GPR158: variants seen among roughly 807,000 people sequenced by gnomAD.
GPR158 encodes G protein-coupled receptor 158, also known as metabotropic glycine receptor.
In GPR158, 30 loss-of-function variants were observed where a neutral mutation model predicts 78.2. The observed-to-expected ratio is 0.38, with a 90% CI of 0.29 to 0.52. The LOEUF (loss-of-function observed/expected upper bound fraction) is 0.52. Among genes scored for constraint, GPR158 ranks in the 20% least tolerant of loss-of-function variants. GPR158 has a pLI of 0.83. For synonymous variants in GPR158, 581 were observed against 591.1 expected, an observed-to-expected ratio of 0.98 and a Z score of 0.25; for missense variants, 1,463 against 1,523.5, an observed-to-expected ratio of 0.96 and a Z score of 0.66.
chr10:25,514,896 T>C (rs965162158), intron 5 of GPR158, among the ~76,000 whole-genome samples: 4 of 152,200 alleles, frequency 2.6e-5, no homozygotes, highest in Non-Finnish European at 4.4e-5. Flanking sequence ...GTTAACTTGA[T>C]AGATTTTCCT....
intron 5 of GPR158, among the ~76,000 whole-genome samples, chr10:25,476,264 A>AT (rs1365541246): frequency 3.9e-5 from 6 of 152,174 alleles, no homozygotes; most frequent in Admixed American, 2.6e-4. Flanking sequence ...ACTAAAGTGT[A>AT]TTTTTTTGCT....
chr10:25,196,601 A>G (rs1174295616), intron 1 of GPR158, among the ~76,000 whole-genome samples: 1 of 152,192 alleles, frequency 6.6e-6, no homozygotes. Flanking sequence ...TTGTTCCTCA[A>G]CAGATCTCTG....
intron 7 of GPR158, among the ~76,000 whole-genome samples, chr10:25,583,757 G>T (rs908066789): frequency 6.6e-6 from 1 of 151,976 alleles, no homozygotes; most frequent in Non-Finnish European, 1.5e-5. Context: ...AAACCTAAAC[G>T]TTTTATCATT....
At chr10:25,324,443 A>G (rs1854998670) in intron 2 of GPR158, among the ~76,000 whole-genome samples, 2 of 152,232 alleles carry the variant, frequency 1.3e-5, no homozygotes, top group Admixed American at 1.3e-4. Context: ...CAGTCAGAAC[A>G]TATACAACAT....
chr10:25,364,173 T>G (rs920618631), intron 2 of GPR158, among the ~76,000 whole-genome samples: 1 of 151,948 alleles, frequency 6.6e-6, no homozygotes, highest in Non-Finnish European at 1.5e-5. Context: ...CAGGGTTCCA[T>G]TGCTATTAAT....
Position 25,337,091 on chromosome 10 carries a change from T to A in GPR158, c.1009-58820T>A, listed in dbSNP as rs186712044. On this transcript the variant is annotated intron_variant, in intron 2 of 10. Transcript: ENST00000376351. ...TTTCAAAATATAGCAGCATTTCACA[T>A]CTCTTTCTCAAAGAGAAATAGAACC... Among the ~76,000 whole-genome samples, 274 of 152,240 alleles carry A rather than the reference T, an allele frequency of 1.8e-3. 2 individuals are homozygous for A. The highest frequency in any genetic ancestry group is 4.7e-4 in the Non-Finnish European group (32 of 68,000).
At chr10:25,399,681 T>G (rs1834414598) in intron 3 of GPR158, among the ~76,000 whole-genome samples, 1 of 152,214 alleles carries the variant, frequency 6.6e-6, no homozygotes. Context: ...AATCACTTCT[T>G]GTCCTAAAGA....
intron 5 of GPR158, among the ~76,000 whole-genome samples, chr10:25,490,691 A>G (rs978096792): frequency 9.3e-6 from 1 of 107,924 alleles, no homozygotes; most frequent in Non-Finnish European, 1.9e-5. Context: ...CCAGTCTATC[A>G]TTGTTGGACA....
intron 4 of GPR158, among the ~76,000 whole-genome samples, chr10:25,436,727 T>C (rs1835002717): frequency 6.6e-6 from 1 of 152,128 alleles, no homozygotes; most frequent in African/African-American, 2.4e-5. Context: ...TATATGATGG[T>C]TGAGGAAGTA....
At chr10:25,596,935 T>C (rs2130754958) in intron 10 of GPR158, 146 bp downstream of exon 10, 1 of 669,326 alleles carries the variant, frequency 1.5e-6, no homozygotes, top group Non-Finnish European at 2.6e-6. Flanking sequence ...TGTTTGGGTA[T>C]GAACTGAAGA....
At chr10:25,478,495 T>C (rs999204266) in intron 5 of GPR158, among the ~76,000 whole-genome samples, 59 of 81,960 alleles carry the variant, frequency 7.2e-4, no homozygotes, top group African/African-American at 4.3e-3. Flanking sequence ...ATATAATGCG[T>C]GTGTGTGTGT....
At chr10:25,565,819 A>G (rs1469936857) in intron 6 of GPR158, among the ~76,000 whole-genome samples, 2 of 152,100 alleles carry the variant, frequency 1.3e-5, no homozygotes, top group Non-Finnish European at 2.9e-5. Flanking sequence ...TGAGTGATAG[A>G]GACAGGGGAC....
At chr10:25,235,571 A>G (rs1220022836) in intron 2 of GPR158, among the ~76,000 whole-genome samples, 1 of 151,820 alleles carries the variant, frequency 6.6e-6, no homozygotes, top group Non-Finnish European at 1.5e-5. Flanking sequence ...ATAGTATTGC[A>G]TAGTAGTTAA....
chr10:25,540,945 A>AAAAAAAT (rs1342123329), intron 5 of GPR158, among the ~76,000 whole-genome samples: 1 of 82,922 alleles, frequency 1.2e-5, no homozygotes, highest in African/African-American at 9.8e-5. Context: ...GTATAATAAA[A>AAAAAAAT]ATATATATAT....
At chr10:25,509,349 C>T (rs1370087154) in intron 5 of GPR158, among the ~76,000 whole-genome samples, 1 of 152,142 alleles carries the variant, frequency 6.6e-6, no homozygotes, top group Non-Finnish European at 1.5e-5. Flanking sequence ...GGCTGCATAA[C>T]AAATTACCTC....
intron 2 of GPR158, among the ~76,000 whole-genome samples, chr10:25,228,526 T>A (rs1339998): frequency 0.14 from 21,721 of 152,056 alleles, 1,965 homozygotes; most frequent in East Asian, 0.29. Context: ...CATTATATAT[T>A]TTAAAGAAAA....
intron 2 of GPR158, among the ~76,000 whole-genome samples, chr10:25,375,701 C>T (rs1469231694): frequency 2.6e-5 from 4 of 151,512 alleles, no homozygotes; most frequent in African/African-American, 9.7e-5. Flanking sequence ...ATTAGTTGGG[C>T]ATATTTTCAT....
chr10:25,182,188 A>C (rs1203334192), intron 1 of GPR158, among the ~76,000 whole-genome samples: 1 of 152,242 alleles, frequency 6.6e-6, no homozygotes, highest in Admixed American at 6.5e-5. Flanking sequence ...AGTTAAGTAC[A>C]TAAACTAATA....
intron 2 of GPR158, among the ~76,000 whole-genome samples, chr10:25,252,593 C>T (rs1853821436): frequency 6.6e-6 from 1 of 151,828 alleles, no homozygotes; most frequent in Non-Finnish European, 1.5e-5. Flanking sequence ...TCAGTGTGCC[C>T]CTGCTGGGGG....
Sources: allele counts gnomAD v4.1 joint callset (sites outside exome capture counted in the v4.1 genomes callset), GRCh38; gene constraint gnomAD v4.1.1; transcripts MANE v1.5; gene names NCBI Gene and HGNC (gene_info 2026-07-23, HGNC 2026-07-21).